TRIO: variants seen among roughly 807,000 people sequenced by gnomAD.
The protein encoded by TRIO is triple functional domain protein.
TRIO carries 58 observed loss-of-function variants against 351.9 expected under a neutral mutation model. The ratio of observed to expected loss-of-function variants is 0.16; its 90% CI spans 0.13 to 0.21. TRIO has a LOEUF of 0.21. TRIO is among the 10% of genes least tolerant of loss of function. The pLI, the probability that TRIO is intolerant of heterozygous loss-of-function variation, is 1.00. For synonymous variants in TRIO, 1,758 were observed against 1,595.7 expected (o/e 1.10, Z -2.42); for missense variants, 3,201 against 4,027.8 (o/e 0.79, Z 5.56).
rs546568122 is a variant in TRIO, at chr5:14,417,983, G to A, written c.4960-1795G>A. Among the ~76,000 whole-genome samples the A allele has an allele frequency of 3.2e-4, 48 of 152,148 alleles. 1 individual carries two copies. The highest frequency in any genetic ancestry group is 1.2e-3 in the Admixed American group (19 of 15,286). ...GGTGACTGTGCCCAGCCCCATCTCC[G>A]CCCTCCCAGTCCAGGGATGGAAAGT... On this transcript the variant is annotated intron_variant, in intron 33 of 56. Transcript: ENST00000344204.
At chr5:14,349,026 TTA>T (rs1456684550) in intron 11 of TRIO, among the ~76,000 whole-genome samples, 4 of 124,506 alleles carry the variant, frequency 3.2e-5, no homozygotes, top group East Asian at 2.5e-4. Context: ...GTGTGTTTAT[TTA>T]TGTGTACGCA....
In TRIO at chr5:14,461,071, C is replaced by G. The variant is rs751523618; in HGVS notation, c.5256C>G (p.Ser1752=). Residue 1752 remains serine, a synonymous_variant, in exon 35 of 57, where the codon TCC becomes TCG. Transcript: ENST00000344204. The part of the protein sequence containing the change: ...NDASPPASVA[S]LQPHMIGAQS... Reference sequence around the variant, plus strand: ...CCAGTCCACCCGCATCCGTGGCTTCCCTCCAGCCCCACATGATCGGGGCCC... The same window carrying G: ...CCAGTCCACCCGCATCCGTGGCTTCGCTCCAGCCCCACATGATCGGGGCCC... 71 of 1,577,510 alleles carry G rather than the reference C, an allele frequency of 4.5e-5. No individual in the cohort carries two copies. Among genetic ancestry groups the G allele is most frequent in the Non-Finnish European group, 5.9e-5 (69 of 1,162,432 alleles).
intron 1 of TRIO, among the ~76,000 whole-genome samples, chr5:14,259,561 G>A (rs1195063254): frequency 6.6e-6 from 1 of 152,202 alleles, no homozygotes; most frequent in Non-Finnish European, 1.5e-5. Flanking sequence ...AAAAGAGGGT[G>A]TAGGGCAGGA....
At chr5:14,151,076 C>T (rs971057289) in intron 1 of TRIO, among the ~76,000 whole-genome samples, 6 of 152,198 alleles carry the variant, frequency 3.9e-5, no homozygotes, top group African/African-American at 1.2e-4. Context: ...CAGCGCCTCA[C>T]AGTTCCTGGT....
chr5:14,294,198 A>G (rs1016272317), intron 6 of TRIO, among the ~76,000 whole-genome samples: 4 of 152,272 alleles, frequency 2.6e-5, no homozygotes, highest in Middle Eastern at 3.4e-3. Flanking sequence ...AAACAAAAAT[A>G]CAAATAAAGC....
intron 11 of TRIO, among the ~76,000 whole-genome samples, chr5:14,342,023 A>G (rs971128734): frequency 6.6e-6 from 1 of 152,196 alleles, no homozygotes; most frequent in Non-Finnish European, 1.5e-5. Context: ...TTTGTTGCAG[A>G]CACCAGCCTG....
At chr5:14,167,875 C>G (rs1040078165) in intron 1 of TRIO, among the ~76,000 whole-genome samples, 1 of 152,174 alleles carries the variant, frequency 6.6e-6, no homozygotes, top group Non-Finnish European at 1.5e-5. Context: ...ACTGAACATT[C>G]ATTTCTTACT....
At chr5:14,172,118 C>T (rs1789135321) in intron 1 of TRIO, among the ~76,000 whole-genome samples, 1 of 152,174 alleles carries the variant, frequency 6.6e-6, no homozygotes, top group East Asian at 1.9e-4. Flanking sequence ...CATTAGGACA[C>T]TAATAAGCAC....
At position 14,387,537 on chromosome 5, in the gene TRIO, G is replaced by A. The variant is rs1236239270; in HGVS notation, c.3670G>A (p.Val1224Met). ...AGAGATAAAAAAATGTGTTACTGCTGTGGATAAGAGGTACAGAGATTTCTC... is the reference window on the plus strand; with the variant it reads ...AGAGATAAAAAAATGTGTTACTGCTATGGATAAGAGGTACAGAGATTTCTC... ...AAEIKKCVTA[V>M]DKRYRDFSLR... Residue 1224 changes from valine (V) to methionine (M), a missense_variant, in exon 22 of 57, where the codon GTG (valine) becomes ATG (methionine). Val to Met is a conservative substitution (Grantham distance 21, BLOSUM62 1). Transcript: ENST00000344204. The A allele has an allele frequency of 1.2e-6, 2 of 1,614,262 alleles. No homozygotes were observed. Among genetic ancestry groups the A allele is most frequent in the Non-Finnish European group, 1.7e-6 (2 of 1,180,042 alleles).
Position 14,476,974 on chromosome 5 carries a change from T to C in TRIO, c.6153+11T>C, listed in dbSNP as rs1755126173. On this transcript the variant is annotated intron_variant, in intron 41 of 56. Coordinates refer to ENST00000344204, the MANE Select transcript of TRIO (RefSeq NM_007118.4). ...CTTTTTGTTAAACACGTAAGCACAA[T>C]AGCATTGCTTATATCCTGTTCTGAT... 1 of 1,607,968 alleles carries C rather than the reference T, an allele frequency of 6.2e-7. No homozygotes were observed.
At chr5:14,390,403 A>G in intron 26 of TRIO, 103 bp downstream of exon 26, 2 of 1,042,116 alleles carry the variant, frequency 1.9e-6, no homozygotes, top group Non-Finnish European at 2.9e-6. Flanking sequence ...TCTTCTGCTC[A>G]TATCCATGCT....
chr5:14,293,864 GA>G (rs1317383224), intron 6 of TRIO, among the ~76,000 whole-genome samples: 3 of 152,130 alleles, frequency 2.0e-5, no homozygotes, highest in Non-Finnish European at 4.4e-5. Context: ...GAAGCTTCTA[GA>G]AATTTCCTCT....
intron 37 of TRIO, among the ~76,000 whole-genome samples, chr5:14,468,441 G>A (rs115921032): frequency 0.012 from 1,844 of 152,298 alleles, 20 homozygotes; most frequent in Non-Finnish European, 0.019. Flanking sequence ...GTGTTCACTG[G>A]TGCCTTCCCC....
chr5:14,399,029 T>A lies in TRIO; in HGVS notation c.4573T>A (p.Ser1525Thr). Reference protein sequence around the residue: ...SLVFSKEVKDSSGRSKYLYKS... With the variant: ...SLVFSKEVKDTSGRSKYLYKS... ...AGTATTTAGTAAAGAAGTGAAAGAT[T>A]CCAGTGGGAGAAGCAAGTACCTTTA... The change falls in exon 30 of 57, where the codon TCC (serine) becomes ACC (threonine). Residue 1525 changes from serine (S) to threonine (T), a missense_variant. By Grantham distance (58) the Ser-to-Thr change is moderately conservative (BLOSUM62 1). Transcript: ENST00000344204. The A allele has an allele frequency of 6.2e-7, 1 of 1,614,146 alleles. No homozygotes were observed. The highest frequency in any genetic ancestry group is 1.1e-5 in the South Asian group (1 of 91,080).
Position 14,415,378 on chromosome 5 carries a change from A to G in TRIO, c.4960-4400A>G, listed in dbSNP as rs574576616. Among the ~76,000 whole-genome samples the G allele has an allele frequency of 8.4e-4, 128 of 152,208 alleles. 1 individual carries two copies. In the Middle Eastern group the frequency reaches 0.01, roughly 12 times the overall value. ...CCAGAACTCATCGCAGAGCTTGGTA[A>G]TTCAAACCAGGTATTGCCGCCGTCT... On this transcript the variant is annotated intron_variant, in intron 33 of 56. Coordinates refer to ENST00000344204, the MANE Select transcript of TRIO (RefSeq NM_007118.4).
intron 54 of TRIO, 67 bp from the exon 55 acceptor site, chr5:14,504,326 A>G: frequency 6.4e-7 from 1 of 1,556,920 alleles, no homozygotes; most frequent in Non-Finnish European, 8.8e-7. Context: ...CATTTAGGAT[A>G]ACAGAGTCTT....
At chr5:14,445,138 G>A (rs1271028308) in intron 34 of TRIO, among the ~76,000 whole-genome samples, 2 of 152,158 alleles carry the variant, frequency 1.3e-5, no homozygotes, top group East Asian at 1.9e-4. Flanking sequence ...GGACACGTGA[G>A]CAAGTCCATA....
chr5:14,310,730 G>C (rs1738848233), intron 8 of TRIO, among the ~76,000 whole-genome samples: 2 of 152,232 alleles, frequency 1.3e-5, no homozygotes, highest in South Asian at 4.1e-4. Context: ...CTGTTGCCCA[G>C]GCTGGAATGC....
intron 53 of TRIO, among the ~76,000 whole-genome samples, chr5:14,500,888 CAAAAAAA>C (rs34729667): frequency 3.1e-5 from 2 of 63,572 alleles, no homozygotes; most frequent in African/African-American, 6.4e-5. Flanking sequence ...GACTCTGCCT[CAAAAAAA>C]AAAAAAAAAA....
Sources: gnomAD v4.1 joint callset for allele counts (sites outside exome capture counted in the v4.1 genomes callset) on GRCh38, gnomAD v4.1.1 for gene constraint, MANE v1.5 for transcripts, NCBI Gene and HGNC (gene_info 2026-07-23, HGNC 2026-07-21) for gene names.